The following TENM2 variants were observed in gnomAD, a reference collection of about 807,000 sequenced individuals.
TENM2 encodes the protein teneurin-2.
In TENM2, 52 loss-of-function variants were observed where a neutral mutation model predicts 245.2. That is an observed-to-expected ratio of 0.21 (90% CI 0.17 to 0.27). The LOEUF (loss-of-function observed/expected upper bound fraction) is 0.27. TENM2 is among the 10% of genes least tolerant of loss of function. The pLI is 1.00. For missense variants in TENM2, 3,046 were observed against 3,666.8 expected, an observed-to-expected ratio of 0.83 and a Z score of 4.37; for synonymous variants, 1,363 against 1,438.9, an observed-to-expected ratio of 0.95 and a Z score of 1.19.
chr5:167,601,163 T>C (rs1203189758), intron 2 of TENM2, among the ~76,000 whole-genome samples: 2 of 152,254 alleles, frequency 1.3e-5, no homozygotes, highest in Non-Finnish European at 1.5e-5. Context: ...ATTTGCATGC[T>C]ACTGGTACTT....
chr5:167,271,238 A>G, the TENM2 span, among the ~76,000 whole-genome samples: 1 of 152,220 alleles, frequency 6.6e-6, no homozygotes, highest in South Asian at 2.1e-4. Flanking sequence ...CGGTTATGGT[A>G]ACTTAGCCAG....
chr5:168,039,907 C>T (rs975969188), intron 5 of TENM2, among the ~76,000 whole-genome samples: 2 of 152,056 alleles, frequency 1.3e-5, no homozygotes, highest in Non-Finnish European at 2.9e-5. Context: ...AGGGGAGGGA[C>T]GCTGCCAGTC....
rs151201460 is a variant in TENM2, at chr5:167,334,234, T to C, written c.227-40964T>C. ...TCACTTAGTTAGGAAAGGGTGGAGT[T>C]GGGTTCTAGCCCAGAGTGTCTGCAA... On this transcript the variant is annotated intron_variant, in intron 1 of 28. Coordinates refer to ENST00000518659, the Ensembl canonical transcript of TENM2. 1.6e-4 allele frequency among the ~76,000 whole-genome samples: 24 copies of C among 152,284 alleles called. No individual in the cohort carries two copies. In the East Asian group the frequency reaches 4.6e-3, roughly 29 times the overall value.
At chr5:167,293,368 A>ATTTTTTTTT (rs199972172) in intron 1 of TENM2, among the ~76,000 whole-genome samples, 49 of 130,528 alleles carry the variant, frequency 3.8e-4, no homozygotes, top group African/African-American at 6.9e-4. Context: ...TGTCCGGCTA[A>ATTTTTTTTT]TTTTTTTTTT....
rs187066590 is a variant in TENM2, at chr5:167,293,305, G to A, written c.226+8242G>A. Among the ~76,000 whole-genome samples, 469 of 151,836 alleles carry A rather than the reference G, an allele frequency of 3.1e-3. 3 individuals are homozygous for A. Among genetic ancestry groups the A allele is most frequent in the African/African-American group, 1.0e-2 (412 of 41,402 alleles). ...CAATCTCCGCCTCCCAGGTTCAAGC[G>A]ATTCTCCTGCCTCAGCCTCCCAAGT... On this transcript the variant is annotated intron_variant, in intron 1 of 28. Coordinates refer to ENST00000518659, the Ensembl canonical transcript of TENM2.
chr5:167,647,648 C>G (rs531944957), intron 2 of TENM2, among the ~76,000 whole-genome samples: 65 of 151,922 alleles, frequency 4.3e-4, no homozygotes, highest in African/African-American at 1.5e-3. Context: ...GAGGATGTTG[C>G]GAAGGGAAGG....
At chr5:167,720,476 G>A (rs1234852343) in intron 2 of TENM2, among the ~76,000 whole-genome samples, 1 of 152,164 alleles carries the variant, frequency 6.6e-6, no homozygotes, top group Admixed American at 6.5e-5. Flanking sequence ...TCAATATGCC[G>A]GGATGCTAAT....
intron 2 of TENM2, among the ~76,000 whole-genome samples, chr5:167,752,890 A>C (rs1762053704): frequency 6.6e-6 from 1 of 152,228 alleles, no homozygotes; most frequent in South Asian, 2.1e-4. Context: ...ATGGGTCTAT[A>C]CACAAGAGAG....
chr5:168,004,552 C>CAT (rs1185618233), intron 5 of TENM2, among the ~76,000 whole-genome samples: 2 of 150,028 alleles, frequency 1.3e-5, no homozygotes, highest in African/African-American at 2.4e-5. Flanking sequence ...CACACACACA[C>CAT]ACACACCACT....
intron 2 of TENM2, among the ~76,000 whole-genome samples, chr5:167,786,886 A>G (rs1043970822): frequency 6.6e-6 from 1 of 152,206 alleles, no homozygotes; most frequent in Non-Finnish European, 1.5e-5. Flanking sequence ...CTATGACTCA[A>G]ATGCAAAAAG....
At chr5:167,607,909 G>T (rs1412530548) in intron 2 of TENM2, among the ~76,000 whole-genome samples, 1 of 151,994 alleles carries the variant, frequency 6.6e-6, no homozygotes, top group Non-Finnish European at 1.5e-5. Context: ...CATTGCTTTT[G>T]GTTCTTTTTA....
At chr5:167,330,553 C>T (rs1342801111) in intron 1 of TENM2, among the ~76,000 whole-genome samples, 3 of 152,026 alleles carry the variant, frequency 2.0e-5, no homozygotes, top group African/African-American at 7.2e-5. Flanking sequence ...TGTCATAACA[C>T]AGCTTCAAGC....
At chr5:167,715,630 A>C (rs1053517105) in intron 2 of TENM2, among the ~76,000 whole-genome samples, 4 of 152,220 alleles carry the variant, frequency 2.6e-5, no homozygotes, top group Non-Finnish European at 4.4e-5. Context: ...AAGCCAATTT[A>C]ATTGCTCAAT....
intron 4 of TENM2, among the ~76,000 whole-genome samples, chr5:167,977,351 G>T (rs1028164321): frequency 6.6e-6 from 1 of 152,044 alleles, no homozygotes; most frequent in Non-Finnish European, 1.5e-5. Flanking sequence ...AAAAAGAAAA[G>T]TATGTCTATC....
chr5:167,853,323 G>A (rs1057448098), intron 2 of TENM2, among the ~76,000 whole-genome samples: 30 of 118,210 alleles, frequency 2.5e-4, no homozygotes, highest in Non-Finnish European at 1.6e-4. Context: ...GAAAGTGATC[G>A]GGCTCTATTT....
At chr5:167,093,110 A>G in the TENM2 span, among the ~76,000 whole-genome samples, 1 of 152,052 alleles carries the variant, frequency 6.6e-6, no homozygotes, top group Admixed American at 6.6e-5. Flanking sequence ...CCTAAATTAC[A>G]CTAGTGGATT....
intron 25 of TENM2, among the ~76,000 whole-genome samples, chr5:168,237,869 G>C (rs557632928): frequency 6.6e-6 from 1 of 151,890 alleles, no homozygotes; most frequent in Admixed American, 6.6e-5. Context: ...CAGGCCGGGC[G>C]CGGTGGCTCA....
At chr5:167,276,533 G>C in the TENM2 span, among the ~76,000 whole-genome samples, 1 of 152,008 alleles carries the variant, frequency 6.6e-6, no homozygotes, top group Non-Finnish European at 1.5e-5. Flanking sequence ...TGAGAAGTTA[G>C]TCCATTTGTC....
intron 4 of TENM2, among the ~76,000 whole-genome samples, chr5:167,963,867 A>C (rs1781194434): frequency 6.6e-6 from 1 of 152,216 alleles, no homozygotes; most frequent in African/African-American, 2.4e-5. Context: ...GGAATTTAAC[A>C]AAAGACAAAC....
Sources: gnomAD v4.1 joint callset for allele counts (sites outside exome capture counted in the v4.1 genomes callset) on GRCh38, gnomAD v4.1.1 for gene constraint, MANE v1.5 for transcripts, NCBI Gene and HGNC (gene_info 2026-07-23, HGNC 2026-07-21) for gene names.